LMNTD1: variants seen among roughly 807,000 people sequenced by gnomAD.
The protein encoded by LMNTD1 is lamin tail domain containing 1, also known as lamin tail domain-containing protein 1.
A neutral mutation model predicts 50.9 loss-of-function variants in LMNTD1; 35 were observed. The observed-to-expected ratio is 0.69, with a 90% CI of 0.53 to 0.91. The LOEUF (loss-of-function observed/expected upper bound fraction) is 0.91. LMNTD1 is among the 40% of genes least tolerant of loss of function. The pLI is 0.00. For synonymous variants in LMNTD1, 153 were observed against 161.9 expected, an observed-to-expected ratio of 0.94 and a Z score of 0.42; for missense variants, 470 against 475.5, an observed-to-expected ratio of 0.99 and a Z score of 0.11.
intron 1 of LMNTD1, among the ~76,000 whole-genome samples, chr12:25,639,496 A>T (rs944032556): frequency 6.6e-6 from 1 of 152,228 alleles, no homozygotes; most frequent in African/African-American, 2.4e-5. Flanking sequence ...AAAAATGGGT[A>T]AAGAAGTTGA....
chr12:25,532,245 C>T (rs759479825), intron 4 of LMNTD1, among the ~76,000 whole-genome samples: 3 of 152,078 alleles, frequency 2.0e-5, no homozygotes, highest in Non-Finnish European at 4.4e-5. Flanking sequence ...TATTTTTTCA[C>T]TCAAGATTTA....
At chr12:25,543,145 A>G (rs1170446034) in intron 4 of LMNTD1, among the ~76,000 whole-genome samples, 2 of 152,028 alleles carry the variant, frequency 1.3e-5, no homozygotes, top group East Asian at 3.8e-4. Context: ...CTTTACCACC[A>G]AGAAATTCCA....
chr12:25,585,400 C>G (rs1023233315), intron 1 of LMNTD1, among the ~76,000 whole-genome samples: 57 of 152,294 alleles, frequency 3.7e-4, no homozygotes, highest in African/African-American at 1.3e-3. Context: ...CTGCGATTAC[C>G]TTACTCTGTG....
chr12:25,526,327 T>A, intron 5 of LMNTD1, 109 bp from the exon 6 acceptor site: 2 of 1,022,328 alleles, frequency 2.0e-6, no homozygotes, highest in Non-Finnish European at 2.8e-6. Context: ...TTTTAAAATA[T>A]AATGACTATA....
rs1467887321 is a variant in LMNTD1 at position 25,507,669 on chromosome 12, T to C, written c.1190-3869A>G. Among the ~76,000 whole-genome samples the C allele has an allele frequency of 2.6e-5, 4 of 152,232 alleles. No individual in the cohort carries two copies. The East Asian group carries it at 7.7e-4, about 29-fold the overall frequency. ...CAGGGCATGATCCAGATGTTGTAGA[T>C]ACAAGTTCTGTTCACATTCCATTAT... is the stretch of plus-strand genomic sequence containing the variant. On this transcript the variant is annotated intron_variant, in intron 8 of 9. Transcript: ENST00000458174.
Position 25,519,587 on chromosome 12 carries a change from C to CAAAAAAAA in LMNTD1, c.1016+263_1016+270dup, listed in dbSNP as rs58304861. The stretch of plus-strand genomic sequence containing the variant: ...TGGGTGACAGAGCGAGACTCTGTCT[C>CAAAAAAAA]AAAAAAAAAAAAAAAAAAAAAGTGA... On this transcript the variant is annotated intron_variant, in intron 7 of 9. Coordinates refer to ENST00000458174, the MANE Select transcript of LMNTD1 (RefSeq NM_001145728.2). Among the ~76,000 whole-genome samples the CAAAAAAAA allele has an allele frequency of 1.5e-3, 138 of 94,692 alleles. 4 individuals carry two copies. Among genetic ancestry groups the CAAAAAAAA allele is most frequent in the South Asian group, 3.9e-3 (9 of 2,336 alleles). The allele number at this position is 94,692 out of a possible 152,430, so 62.1% of individuals were successfully genotyped here. A position where few individuals can be genotyped will look rare whatever the true frequency, so the allele number is the denominator to read the frequency against.
intron 4 of LMNTD1, among the ~76,000 whole-genome samples, chr12:25,532,093 C>T (rs551255838): frequency 2.0e-5 from 3 of 152,096 alleles, no homozygotes; most frequent in African/African-American, 4.8e-5. Context: ...GGACCTTATC[C>T]ACCTGTTCCT....
chr12:25,601,670 T>A (rs547612301), intron 1 of LMNTD1, among the ~76,000 whole-genome samples: 1 of 152,018 alleles, frequency 6.6e-6, no homozygotes, highest in African/African-American at 2.4e-5. Context: ...ACAAAGCTAA[T>A]GCTTTTGGAA....
At chr12:25,589,659 A>T (rs187930182) in intron 1 of LMNTD1, among the ~76,000 whole-genome samples, 3 of 152,282 alleles carry the variant, frequency 2.0e-5, no homozygotes. Flanking sequence ...TAGGAATTTG[A>T]TTATTGTTTT....
intron 9 of LMNTD1, among the ~76,000 whole-genome samples, chr12:25,495,576 A>G (rs1021666115): frequency 2.0e-5 from 3 of 152,136 alleles, no homozygotes; most frequent in Non-Finnish European, 4.4e-5. Context: ...TTGAAACCTA[A>G]AAATCAATCT....
At chr12:25,579,896 C>T (rs1181729370) in intron 1 of LMNTD1, among the ~76,000 whole-genome samples, 13 of 152,130 alleles carry the variant, frequency 8.5e-5, no homozygotes, top group Admixed American at 8.5e-4. Context: ...CCTGCCAGTG[C>T]ATTCTCTATT....
chr12:25,507,800 T>C (rs1333125449), intron 8 of LMNTD1, among the ~76,000 whole-genome samples: 1 of 152,210 alleles, frequency 6.6e-6, no homozygotes, highest in African/African-American at 2.4e-5. Flanking sequence ...GTGAATCTTG[T>C]GTATAAAGGA....
chr12:25,634,746 C>A (rs190818927), intron 1 of LMNTD1, among the ~76,000 whole-genome samples: 1 of 152,168 alleles, frequency 6.6e-6, no homozygotes, highest in African/African-American at 2.4e-5. Flanking sequence ...AGTACTGGCA[C>A]AAAACAAGGA....
chr12:25,575,600 A>G (rs745825107), intron 1 of LMNTD1, among the ~76,000 whole-genome samples: 56 of 152,244 alleles, frequency 3.7e-4, no homozygotes, highest in Admixed American at 6.5e-4. Context: ...GATATAAAAT[A>G]AAAACAAACC....
chr12:25,636,367 A>T (rs974873088), intron 1 of LMNTD1, among the ~76,000 whole-genome samples: 1 of 152,246 alleles, frequency 6.6e-6, no homozygotes, highest in Admixed American at 6.5e-5. Flanking sequence ...CAAATGACCA[A>T]CAAACATGAA....
At chr12:25,626,823 A>G (rs1236005000) in intron 1 of LMNTD1, among the ~76,000 whole-genome samples, 1 of 152,202 alleles carries the variant, frequency 6.6e-6, no homozygotes, top group Non-Finnish European at 1.5e-5. Flanking sequence ...TCAAAAACCA[A>G]TTCTCAATAA....
intron 1 of LMNTD1, among the ~76,000 whole-genome samples, chr12:25,586,902 G>A (rs561452341): frequency 6.6e-6 from 1 of 152,216 alleles, no homozygotes; most frequent in East Asian, 1.9e-4. Flanking sequence ...AAACCACATA[G>A]CATGCCCTTT....
intron 4 of LMNTD1, among the ~76,000 whole-genome samples, chr12:25,545,248 A>C (rs1354183388): frequency 6.6e-6 from 1 of 151,694 alleles, no homozygotes; most frequent in African/African-American, 2.4e-5. Flanking sequence ...CTTGGATAGC[A>C]GGGTTTTAAC....
chr12:25,608,608 A>G (rs1010645514), intron 1 of LMNTD1, among the ~76,000 whole-genome samples: 4 of 152,164 alleles, frequency 2.6e-5, no homozygotes, highest in African/African-American at 9.7e-5. Context: ...GTTTGGCTGG[A>G]TATGAAATTC....
Sources: gnomAD v4.1 joint callset for allele counts (sites outside exome capture counted in the v4.1 genomes callset) on GRCh38, gnomAD v4.1.1 for gene constraint, MANE v1.5 for transcripts, NCBI Gene and HGNC (gene_info 2026-07-23, HGNC 2026-07-21) for gene names.